CAMKMT: variants seen among roughly 807,000 people sequenced by gnomAD.
CAMKMT encodes the protein CaM KMT.
Under a neutral mutation model 48.0 loss-of-function variants are expected in CAMKMT, and 53 were observed. The observed-to-expected ratio is 1.10, with a 90% CI of 0.89 to 1.39. The LOEUF is 1.39. Among genes scored for constraint, CAMKMT ranks in the 40% most tolerant of loss-of-function variants. The probability of loss-of-function intolerance (pLI) is 0.00; values close to 1 mark genes in which losing one functional copy is unlikely to be tolerated. For synonymous variants in CAMKMT, 165 were observed against 152.3 expected (o/e 1.08, Z -0.61); for missense variants, 428 against 402.7 (o/e 1.06, Z -0.54).
At chr2:44,762,896 A>T (rs1215424188) in intron 9 of CAMKMT, among the ~76,000 whole-genome samples, 1 of 152,250 alleles carries the variant, frequency 6.6e-6, no homozygotes, top group East Asian at 1.9e-4. Flanking sequence ...TGCGTTTAAA[A>T]TAATTCTGCA....
At chr2:44,559,217 A>G (rs1323204632) in intron 3 of CAMKMT, among the ~76,000 whole-genome samples, 1 of 152,118 alleles carries the variant, frequency 6.6e-6, no homozygotes, top group African/African-American at 2.4e-5. Context: ...TCATGAAATG[A>G]TGGTGTTGGA....
At chr2:44,395,339 T>C (rs1386008327) in intron 3 of CAMKMT, among the ~76,000 whole-genome samples, 1 of 152,218 alleles carries the variant, frequency 6.6e-6, no homozygotes, top group African/African-American at 2.4e-5. Context: ...TATACATATA[T>C]GTAGTATATG....
chr2:44,666,672 C>T (rs1573027004), intron 3 of CAMKMT, among the ~76,000 whole-genome samples: 1 of 149,214 alleles, frequency 6.7e-6, no homozygotes, highest in East Asian at 2.0e-4. Flanking sequence ...AATGCAGTGG[C>T]ACAGTCTCGG....
chr2:44,715,296 A>G lies in CAMKMT; in HGVS notation c.566A>G (p.Asp189Gly). 6.2e-7 allele frequency: 1 copy of G among 1,612,796 alleles called. No individual in the cohort carries two copies. The highest frequency in any genetic ancestry group is 1.1e-5 in the South Asian group (1 of 91,034). The change falls in exon 7 of 11, where the codon GAC (aspartate) becomes GGC (glycine). Residue 189 changes from aspartate to glycine, a missense_variant. Transcript: ENST00000378494. Reference protein sequence around the residue: ...GNEKAIRNVQDIITRNQKAGV... With the variant: ...GNEKAIRNVQGIITRNQKAGV... Reference sequence around the variant, plus strand: ...TAACTGTGTCCTGTAGATGTGCAAGACATCATCACAAGGAATCAGAAGGCT... The same window carrying G: ...TAACTGTGTCCTGTAGATGTGCAAGGCATCATCACAAGGAATCAGAAGGCT...
intron 3 of CAMKMT, among the ~76,000 whole-genome samples, chr2:44,630,387 T>A (rs1424710959): frequency 2.6e-5 from 4 of 151,772 alleles, no homozygotes; most frequent in Admixed American, 6.6e-5. Context: ...AAAGCCAAAA[T>A]TGACAAATGG....
rs78828558 is a variant in CAMKMT, at chr2:44,375,172, T to G, written c.311+2284T>G. On this transcript the variant is annotated intron_variant, in intron 2 of 10. Coordinates refer to ENST00000378494, the MANE Select transcript of CAMKMT (RefSeq NM_024766.5). ...CCACCATGCCTGGCCAGGGTTTCTG[T>G]TTTTTTTTTGTTTTGTTTTTTAATA... Among the ~76,000 whole-genome samples the G allele has an allele frequency of 3.2e-5, 4 of 124,782 alleles. No individual in the cohort carries two copies. In the South Asian group the frequency reaches 8.6e-4, roughly 27 times the overall value. 81.9% of individuals were successfully genotyped at this position (124,782 alleles called of 152,430 possible). A position where few individuals can be genotyped will look rare whatever the true frequency, so the allele number is the denominator to read the frequency against.
intron 3 of CAMKMT, among the ~76,000 whole-genome samples, chr2:44,523,586 C>T (rs1671239007): frequency 6.7e-6 from 1 of 150,374 alleles, no homozygotes; most frequent in Admixed American, 6.6e-5. Context: ...TGAGTCACCA[C>T]ACCTGTCCAA....
intron 3 of CAMKMT, among the ~76,000 whole-genome samples, chr2:44,461,321 A>G (rs758309704): frequency 2.6e-5 from 4 of 152,092 alleles, no homozygotes; most frequent in Non-Finnish European, 5.9e-5. Flanking sequence ...TAAGCAGTTT[A>G]CTCATTAAAT....
intron 3 of CAMKMT, among the ~76,000 whole-genome samples, chr2:44,552,824 A>G (rs1022659831): frequency 6.6e-6 from 1 of 152,156 alleles, no homozygotes; most frequent in African/African-American, 2.4e-5. Context: ...TATTTACTTT[A>G]TTTATTTATT....
intron 6 of CAMKMT, 101 bp downstream of exon 6, chr2:44,707,563 G>C (rs1573127318): frequency 1.1e-6 from 1 of 934,198 alleles, no homozygotes; most frequent in Non-Finnish European, 1.6e-6. Context: ...TATTAAAAGA[G>C]AGTTTCCCCC....
At chr2:44,403,873 G>C (rs1187594192) in intron 3 of CAMKMT, among the ~76,000 whole-genome samples, 1 of 152,030 alleles carries the variant, frequency 6.6e-6, no homozygotes, top group Non-Finnish European at 1.5e-5. Flanking sequence ...AATCACCAAG[G>C]CTTTGCATAA....
chr2:44,749,899 C>T (rs1226403611), intron 8 of CAMKMT, among the ~76,000 whole-genome samples: 1 of 152,082 alleles, frequency 6.6e-6, no homozygotes, highest in Non-Finnish European at 1.5e-5. Context: ...TGTGAAGAGA[C>T]AGGAGGCCAA....
intron 6 of CAMKMT, among the ~76,000 whole-genome samples, chr2:44,713,553 T>A (rs1677999203): frequency 1.3e-5 from 2 of 152,204 alleles, no homozygotes; most frequent in Non-Finnish European, 2.9e-5. Flanking sequence ...GTCATTTTAG[T>A]TAATCAAAAC....
chr2:44,405,749 A>C (rs1184178867), intron 3 of CAMKMT, among the ~76,000 whole-genome samples: 1 of 152,170 alleles, frequency 6.6e-6, no homozygotes, highest in Non-Finnish European at 1.5e-5. Context: ...GATATGCATA[A>C]GAAACTAAAT....
intron 7 of CAMKMT, among the ~76,000 whole-genome samples, chr2:44,741,057 A>G (rs183401292): frequency 1.4e-3 from 212 of 152,340 alleles, no homozygotes; most frequent in African/African-American, 4.9e-3. Flanking sequence ...CTGCAAGGAG[A>G]TAAGTTCAGA....
intron 3 of CAMKMT, among the ~76,000 whole-genome samples, chr2:44,541,770 C>CAA (rs34738217): frequency 3.0e-5 from 2 of 67,226 alleles, no homozygotes; most frequent in Non-Finnish European, 3.3e-5. Flanking sequence ...AACTCTGTCT[C>CAA]AAAAAAAAAA....
intron 3 of CAMKMT, among the ~76,000 whole-genome samples, chr2:44,677,004 C>A (rs1032123379): frequency 6.6e-6 from 1 of 151,966 alleles, no homozygotes; most frequent in African/African-American, 2.4e-5. Context: ...TTTACAGTGC[C>A]CTTGATTCTT....
chr2:44,485,487 G>A (rs989750188), intron 3 of CAMKMT, among the ~76,000 whole-genome samples: 3 of 152,130 alleles, frequency 2.0e-5, no homozygotes, highest in Non-Finnish European at 4.4e-5. Context: ...ATGGCGATAC[G>A]TTCTGAGAAA....
intron 7 of CAMKMT, among the ~76,000 whole-genome samples, chr2:44,726,336 G>C (rs1308371647): frequency 1.3e-5 from 2 of 152,242 alleles, no homozygotes; most frequent in African/African-American, 2.4e-5. Flanking sequence ...CTGGTGTGAG[G>C]TGCTATCTCA....
Sources: allele counts gnomAD v4.1 joint callset (sites outside exome capture counted in the v4.1 genomes callset), GRCh38; gene constraint gnomAD v4.1.1; transcripts MANE v1.5; gene names NCBI Gene and HGNC (gene_info 2026-07-23, HGNC 2026-07-21).